GHR: variants seen among roughly 807,000 people sequenced by gnomAD.
GHR encodes growth hormone receptor, also known as GH receptor.
Under a neutral mutation model 67.1 loss-of-function variants are expected in GHR, and 35 were observed. That is an observed-to-expected ratio of 0.52 (90% CI 0.40 to 0.69). The LOEUF (loss-of-function observed/expected upper bound fraction) is 0.69, where lower values mean the gene tolerates loss of function less well. Among genes scored for constraint, GHR ranks in the 30% least tolerant of loss-of-function variants. The pLI is 0.00. For missense variants in GHR, 792 were observed against 764.6 expected (o/e 1.04, Z -0.42); for synonymous variants, 272 against 269.1 (o/e 1.01, Z -0.10).
chr5:42,632,107 C>G (rs1379777489), intron 3 of GHR, among the ~76,000 whole-genome samples: 1 of 152,118 alleles, frequency 6.6e-6, no homozygotes, highest in Admixed American at 6.5e-5. Context: ...CTTTAGTGCT[C>G]TCCCTACTAC....
rs1341012485 is a variant in GHR, at chr5:42,721,485, T to C, written c.*2061T>C. 1 of 152,620 alleles carries C rather than the reference T, an allele frequency of 6.6e-6. No individual in the cohort carries two copies. Among genetic ancestry groups the C allele is most frequent in the African/African-American group, 2.4e-5 (1 of 41,464 alleles). The allele number at this position is 152,620 out of a possible 1,614,324, so 9.5% of individuals were successfully genotyped here. On this transcript the variant is annotated 3_prime_UTR_variant, in exon 10 of 10. Transcript: ENST00000230882. The stretch of plus-strand genomic sequence containing the variant: ...TGTTTAAAGTTCAACATGTTATTTG[T>C]AATAGATGTTTGATAGATTTTCTGC...
chr5:42,467,235 G>A, intron 1 of GHR: 1 of 1,423,448 alleles, frequency 7.0e-7, no homozygotes, highest in Non-Finnish European at 9.9e-7. Flanking sequence ...TCTCTGCAGT[G>A]TGAATTATCT....
intron 2 of GHR, among the ~76,000 whole-genome samples, chr5:42,588,705 A>C (rs1751624414): frequency 6.6e-6 from 1 of 151,904 alleles, no homozygotes; most frequent in Non-Finnish European, 1.5e-5. Flanking sequence ...CCATAACTGT[A>C]TTACCAGTTA....
intron 1 of GHR, among the ~76,000 whole-genome samples, chr5:42,463,905 A>T (rs1413277766): frequency 7.0e-6 from 1 of 143,760 alleles, no homozygotes; most frequent in Non-Finnish European, 1.5e-5. Context: ...AGGCAGGAGA[A>T]TGGCGTGAAC....
chr5:42,478,228 G>T (rs1335661446), intron 1 of GHR, among the ~76,000 whole-genome samples: 6 of 152,156 alleles, frequency 3.9e-5, no homozygotes, highest in Admixed American at 1.3e-4. Context: ...GCTCCGTTCG[G>T]TTCCATTGGT....
intron 1 of GHR, among the ~76,000 whole-genome samples, chr5:42,480,904 T>C (rs944722361): frequency 1.3e-5 from 2 of 152,238 alleles, no homozygotes; most frequent in African/African-American, 4.8e-5. Context: ...GTTAATATCA[T>C]TATGTGTGAA....
intron 7 of GHR, among the ~76,000 whole-genome samples, chr5:42,712,125 G>T (rs1337266759): frequency 6.6e-6 from 1 of 152,010 alleles, no homozygotes; most frequent in Non-Finnish European, 1.5e-5. Context: ...GAAAACAGAA[G>T]TTTACAGGGC....
At chr5:42,431,312 G>GT (rs1390110489) in intron 1 of GHR, among the ~76,000 whole-genome samples, 3 of 151,984 alleles carry the variant, frequency 2.0e-5, no homozygotes, top group Non-Finnish European at 2.9e-5. Flanking sequence ...TTTTGTTGTT[G>GT]TTTTTTTCTT....
rs113635031 is a variant in GHR at position 42,515,815 on chromosome 5, C to T, written c.-11-50049C>T. On this transcript the variant is annotated intron_variant, in intron 1 of 9. Coordinates refer to ENST00000230882, the MANE Select transcript of GHR (RefSeq NM_000163.5). ...GGAAGGAGGGCAGTAGCAACCTTTC[C>T]ATTTCTTCAGTTTTATCGCAGCCTA... Among the ~76,000 whole-genome samples the T allele has an allele frequency of 5.4e-3, 825 of 152,290 alleles. 3 individuals carry two copies. Among genetic ancestry groups the T allele is most frequent in the Non-Finnish European group, 9.5e-3 (648 of 68,022 alleles).
chr5:42,428,802 G>T (rs1742965176), intron 1 of GHR, among the ~76,000 whole-genome samples: 1 of 152,130 alleles, frequency 6.6e-6, no homozygotes, highest in Non-Finnish European at 1.5e-5. Context: ...GGACTTTATT[G>T]TCCATATCAC....
At chr5:42,546,498 AC>A (rs1159585629) in intron 1 of GHR, among the ~76,000 whole-genome samples, 1 of 152,156 alleles carries the variant, frequency 6.6e-6, no homozygotes, top group Non-Finnish European at 1.5e-5. Context: ...GCTTGCCAGA[AC>A]ATAGTCATGT....
chr5:42,616,673 A>G (rs1225869802), intron 2 of GHR, among the ~76,000 whole-genome samples: 2 of 110,548 alleles, frequency 1.8e-5, no homozygotes, highest in Admixed American at 1.6e-4. Flanking sequence ...TTCCCTTTGC[A>G]GGGGAAAAAA....
intron 2 of GHR, among the ~76,000 whole-genome samples, chr5:42,606,593 G>C (rs1752640574): frequency 2.0e-5 from 3 of 152,144 alleles, no homozygotes; most frequent in Admixed American, 6.5e-5. Context: ...CCTGACAAGG[G>C]CACCAAGCCA....
intron 6 of GHR, among the ~76,000 whole-genome samples, chr5:42,706,996 T>C (rs1758208009): frequency 1.3e-5 from 2 of 152,082 alleles, no homozygotes; most frequent in Admixed American, 6.6e-5. Context: ...ATCTTAACGA[T>C]ATTGATTCTT....
chr5:42,438,537 T>A (rs1743433742), intron 1 of GHR, among the ~76,000 whole-genome samples: 1 of 152,202 alleles, frequency 6.6e-6, no homozygotes, highest in Non-Finnish European at 1.5e-5. Flanking sequence ...GTTCTGTCTC[T>A]TATACCTATT....
intron 3 of GHR, among the ~76,000 whole-genome samples, chr5:42,644,255 T>A (rs1448975323): frequency 6.6e-6 from 1 of 152,220 alleles, no homozygotes; most frequent in Non-Finnish European, 1.5e-5. Context: ...TTGAAAATTG[T>A]TGATGAACAT....
chr5:42,538,681 C>T (rs1455049218), intron 1 of GHR, among the ~76,000 whole-genome samples: 1 of 152,120 alleles, frequency 6.6e-6, no homozygotes, highest in African/African-American at 2.4e-5. Flanking sequence ...CGATGAATTT[C>T]CCAGGTGTTC....
At chr5:42,579,166 A>AGAT (rs1751013819) in intron 2 of GHR, among the ~76,000 whole-genome samples, 2 of 142,588 alleles carry the variant, frequency 1.4e-5, no homozygotes, top group Admixed American at 6.9e-5. Flanking sequence ...ATAGATAGAT[A>AGAT]GATAGATAGA....
intron 3 of GHR, among the ~76,000 whole-genome samples, chr5:42,657,594 C>CAAG (rs1755324622): frequency 6.6e-6 from 1 of 152,100 alleles, no homozygotes; most frequent in Non-Finnish European, 1.5e-5. Context: ...TGCACCTGAC[C>CAAG]TCTTCTCTTC....
Sources: allele counts gnomAD v4.1 joint callset (sites outside exome capture counted in the v4.1 genomes callset), GRCh38; gene constraint gnomAD v4.1.1; transcripts MANE v1.5; gene names NCBI Gene and HGNC (gene_info 2026-07-23, HGNC 2026-07-21).